Variants in CADM2 observed in about 807,000 individuals in gnomAD.
The protein encoded by CADM2 is cell adhesion molecule 2.
CADM2 carries 12 observed loss-of-function variants against 49.8 expected under a neutral mutation model. The observed-to-expected ratio is 0.24, with a 90% CI of 0.15 to 0.39. The LOEUF (loss-of-function observed/expected upper bound fraction) is 0.39. Among genes scored for constraint, CADM2 ranks in the 10% least tolerant of loss-of-function variants. The pLI, the probability that CADM2 is intolerant of heterozygous loss-of-function variation, is 1.00. For synonymous variants in CADM2, 214 were observed against 175.4 expected (o/e 1.22, Z -1.74); for missense variants, 378 against 492.3 (o/e 0.77, Z 2.20).
chr3:85,513,271 T>C (rs1483194937), intron 1 of CADM2, among the ~76,000 whole-genome samples: 2 of 151,944 alleles, frequency 1.3e-5, no homozygotes, highest in East Asian at 3.9e-4. Context: ...TTAAGGAATC[T>C]ACATGGCTTT....
intron 1 of CADM2, among the ~76,000 whole-genome samples, chr3:85,629,525 G>T (rs1294632061): frequency 6.6e-6 from 1 of 151,918 alleles, no homozygotes; most frequent in Non-Finnish European, 1.5e-5. Context: ...AAAGTAGCTT[G>T]CAAGGGAGAA....
intron 1 of CADM2, among the ~76,000 whole-genome samples, chr3:85,612,777 A>C (rs2063711844): frequency 6.6e-6 from 1 of 151,822 alleles, no homozygotes; most frequent in African/African-American, 2.4e-5. Context: ...AATAGGAACA[A>C]AAATTTTTAA....
chr3:85,482,968 G>A (rs979777997), intron 1 of CADM2, among the ~76,000 whole-genome samples: 4 of 151,156 alleles, frequency 2.6e-5, no homozygotes, highest in South Asian at 2.1e-4. Context: ...TTATTAAATC[G>A]GTCCTTTGAT....
intron 8 of CADM2, chr3:85,992,873 T>C (rs1728952964): frequency 1.3e-5 from 2 of 152,196 alleles, no homozygotes; most frequent in African/African-American, 4.8e-5. Flanking sequence ...ACAATAAGGT[T>C]TGACACATTG....
chr3:85,920,004 AT>A (rs1718888013), intron 6 of CADM2, among the ~76,000 whole-genome samples: 1 of 151,852 alleles, frequency 6.6e-6, no homozygotes, highest in Non-Finnish European at 1.5e-5. Flanking sequence ...GTAAAAAGTA[AT>A]AAAGTTCTTA....
chr3:85,452,517 T>C (rs560578458), intron 1 of CADM2, among the ~76,000 whole-genome samples: 4 of 152,234 alleles, frequency 2.6e-5, no homozygotes, highest in African/African-American at 9.6e-5. Flanking sequence ...ATTTATTGCA[T>C]GTTTTCCAAT....
At position 85,827,028 on chromosome 3, in the gene CADM2, T is replaced by C. The variant is rs78213867; in HGVS notation, c.238+24832T>C. Among the ~76,000 whole-genome samples the C allele has an allele frequency of 7.6e-3, 1,156 of 152,038 alleles. 11 individuals are homozygous for C. The highest frequency in any genetic ancestry group is 0.026 in the African/African-American group (1,097 of 41,512). ...GTAGAAAATTCTAATTTTACTAAGT[T>C]ACCCAAATTGACCCCAAAATGGATG... On this transcript the variant is annotated intron_variant, in intron 3 of 9. Transcript: ENST00000383699.
intron 1 of CADM2, among the ~76,000 whole-genome samples, chr3:85,106,705 C>G (rs952267053): frequency 6.6e-6 from 1 of 150,906 alleles, no homozygotes; most frequent in African/African-American, 2.5e-5. Context: ...GAAACGTAGC[C>G]TTGCCTGATC....
chr3:85,436,350 C>T (rs150909466), intron 1 of CADM2, among the ~76,000 whole-genome samples: 2,150 of 152,172 alleles, frequency 0.014, 122 homozygotes, highest in South Asian at 0.11. Context: ...TCTAAATATA[C>T]GATCATGTCA....
intron 1 of CADM2, among the ~76,000 whole-genome samples, chr3:85,455,576 G>A (rs368482130): frequency 8.0e-4 from 122 of 152,272 alleles, no homozygotes; most frequent in African/African-American, 2.9e-3. Flanking sequence ...ACTTCCAACA[G>A]AAACTAATTT....
chr3:85,957,974 C>T (rs745966556), intron 7 of CADM2, among the ~76,000 whole-genome samples: 2 of 151,944 alleles, frequency 1.3e-5, no homozygotes, highest in Non-Finnish European at 2.9e-5. Flanking sequence ...CTTCTTTCTG[C>T]ACAGCAAAAA....
At chr3:85,713,872 G>C (rs777217361) in intron 1 of CADM2, among the ~76,000 whole-genome samples, 1 of 152,118 alleles carries the variant, frequency 6.6e-6, no homozygotes, top group Non-Finnish European at 1.5e-5. Flanking sequence ...TTTAGTGTGG[G>C]TGACTTAGTT....
intron 2 of CADM2, among the ~76,000 whole-genome samples, chr3:85,767,081 C>T (rs993014005): frequency 2.6e-5 from 4 of 152,064 alleles, no homozygotes; most frequent in Non-Finnish European, 5.9e-5. Context: ...ATACACTTTA[C>T]CCAAATGAAT....
chr3:85,914,708 G>A (rs1055610336), intron 6 of CADM2, among the ~76,000 whole-genome samples: 5 of 152,154 alleles, frequency 3.3e-5, no homozygotes, highest in African/African-American at 1.2e-4. Flanking sequence ...TATGTAAGTT[G>A]CTCTGGCAAA....
At chr3:85,032,799 A>C (rs991177954) in intron 1 of CADM2, among the ~76,000 whole-genome samples, 17 of 152,152 alleles carry the variant, frequency 1.1e-4, no homozygotes, top group Non-Finnish European at 2.1e-4. Flanking sequence ...ACCTTGAAAA[A>C]GAGAATAAAA....
intron 1 of CADM2, among the ~76,000 whole-genome samples, chr3:85,598,626 G>T (rs2063310147): frequency 1.3e-5 from 2 of 151,654 alleles, no homozygotes; most frequent in Admixed American, 6.6e-5. Context: ...ACTCAATATT[G>T]TGTCTACTTA....
intron 1 of CADM2, among the ~76,000 whole-genome samples, chr3:85,718,233 A>G (rs1472815964): frequency 2.0e-5 from 3 of 152,212 alleles, no homozygotes; most frequent in Non-Finnish European, 2.9e-5. Flanking sequence ...TAAATCATCA[A>G]CACTCTATTA....
chr3:85,897,297 C>T (rs1328392114), intron 5 of CADM2, among the ~76,000 whole-genome samples: 1 of 103,988 alleles, frequency 9.6e-6, no homozygotes, highest in South Asian at 3.5e-4. Flanking sequence ...GAGTCTCGCT[C>T]TGTCGCCCAG....
chr3:85,584,707 G>A (rs2062889202), intron 1 of CADM2, among the ~76,000 whole-genome samples: 1 of 152,018 alleles, frequency 6.6e-6, no homozygotes, highest in Non-Finnish European at 1.5e-5. Flanking sequence ...TGTAAGGGAA[G>A]CACAATATTT....
Sources: allele counts gnomAD v4.1 joint callset (sites outside exome capture counted in the v4.1 genomes callset), GRCh38; gene constraint gnomAD v4.1.1; transcripts MANE v1.5; gene names NCBI Gene and HGNC (gene_info 2026-07-23, HGNC 2026-07-21).